The following TNFSF8 variants were observed in gnomAD, a reference collection of about 807,000 sequenced individuals.
The protein encoded by TNFSF8 is TNF superfamily member 8.
A neutral mutation model predicts 22.0 loss-of-function variants in TNFSF8; 4 were observed. That is an observed-to-expected ratio of 0.18 (90% confidence interval 0.09 to 0.42). The LOEUF (loss-of-function observed/expected upper bound fraction) is 0.42, where lower values mean the gene tolerates loss of function less well. Among genes scored for constraint, TNFSF8 ranks in the 10% least tolerant of loss-of-function variants. TNFSF8 has a pLI of 1.00. For synonymous variants in TNFSF8, 106 were observed against 112.5 expected (o/e 0.94, Z 0.37); for missense variants, 233 against 281.8 (o/e 0.83, Z 1.24).
At chr9:114,925,537 A>G (rs1828046700) in intron 1 of TNFSF8, among the ~76,000 whole-genome samples, 2 of 152,092 alleles carry the variant, frequency 1.3e-5, no homozygotes, top group African/African-American at 4.8e-5. Flanking sequence ...AGTTATTGCT[A>G]TATCAGGTGT....
downstream of TNFSF8, among the ~76,000 whole-genome samples, chr9:114,900,623 T>G (rs1827705279): frequency 6.6e-6 from 1 of 152,154 alleles, no homozygotes; most frequent in Non-Finnish European, 1.5e-5. Context: ...GATGGTGATT[T>G]GAATGTGAGA....
At chr9:114,913,032 T>A (rs1014136984) in intron 2 of TNFSF8, among the ~76,000 whole-genome samples, 2 of 152,184 alleles carry the variant, frequency 1.3e-5, no homozygotes, top group African/African-American at 2.4e-5. Context: ...ATCTGGCTTG[T>A]TCCCCTCACT....
At chr9:114,917,891 G>C (rs777941559) in intron 2 of TNFSF8, among the ~76,000 whole-genome samples, 6 of 152,182 alleles carry the variant, frequency 3.9e-5, no homozygotes, top group Non-Finnish European at 8.8e-5. Context: ...AGAGCTGGTG[G>C]GAGACTTGTG....
chr9:114,895,710 C>T (rs1181793425), intron 4 of TNFSF8, among the ~76,000 whole-genome samples: 1 of 152,192 alleles, frequency 6.6e-6, no homozygotes, highest in Non-Finnish European at 1.5e-5. Flanking sequence ...TTTACAAAGT[C>T]CATGTGACTT....
In TNFSF8 at chr9:114,902,704, G is replaced by C; in HGVS notation, c.*1227C>G. ...GGGTAGGGGGGCCTTATTTTGGTTG[G>C]AGAGCTTCCAAAATTGTGTCTGGAA... On this transcript the variant is annotated 3_prime_UTR_variant, in exon 4 of 4. Transcript: ENST00000223795. 5.2e-5 allele frequency: 51 copies of C among 985,390 alleles called. No homozygotes were observed. Among genetic ancestry groups the C allele is most frequent in the Non-Finnish European group, 6.1e-5 (51 of 829,926 alleles). The allele number at this position is 985,390 out of a possible 1,614,324, so 61.0% of individuals were successfully genotyped here.
intron 1 of TNFSF8, among the ~76,000 whole-genome samples, chr9:114,929,727 A>C (rs565486931): frequency 6.6e-6 from 1 of 151,932 alleles, no homozygotes; most frequent in African/African-American, 2.4e-5. Context: ...TTAAGATTTA[A>C]ATCTTAACTT....
At chr9:114,898,964 C>T (rs1374877209), downstream of TNFSF8, among the ~76,000 whole-genome samples, 1 of 152,082 alleles carries the variant, frequency 6.6e-6, no homozygotes, top group Non-Finnish European at 1.5e-5. Flanking sequence ...ATCAGGAAGC[C>T]GCTACTGCTG....
Position 114,902,124 on chromosome 9 carries a change from A to C in TNFSF8, c.*1807T>G. The C allele has an allele frequency of 1.0e-6, 1 of 985,314 alleles. No individual in the cohort carries two copies. The highest frequency in any genetic ancestry group is 4.7e-5 in the South Asian group (1 of 21,276). The allele number at this position is 985,314 out of a possible 1,614,324, so 61.0% of individuals were successfully genotyped here. The stretch of plus-strand genomic sequence containing the variant: ...ACGGCTTGTCAAGGTCCTTCCACAA[A>C]TAAGATGTTCCTCCAAAGATGATGT... On this transcript the variant is annotated 3_prime_UTR_variant, in exon 4 of 4. Coordinates refer to ENST00000223795, the MANE Select transcript of TNFSF8 (RefSeq NM_001244.4).
At chr9:114,922,508 G>T (rs1587939516) in intron 1 of TNFSF8, among the ~76,000 whole-genome samples, 1 of 152,174 alleles carries the variant, frequency 6.6e-6, no homozygotes, top group East Asian at 1.9e-4. Flanking sequence ...GATTCATCAA[G>T]ACTTAGAGAA....
intron 1 of TNFSF8, among the ~76,000 whole-genome samples, chr9:114,923,314 G>A (rs1475891241): frequency 6.6e-6 from 1 of 152,094 alleles, no homozygotes; most frequent in East Asian, 1.9e-4. Context: ...AAGAATGACA[G>A]CTAATAAATT....
intron 1 of TNFSF8, among the ~76,000 whole-genome samples, chr9:114,929,253 C>G (rs1400369184): frequency 1.3e-5 from 2 of 152,144 alleles, no homozygotes; most frequent in African/African-American, 4.8e-5. Context: ...CGAAGACAGT[C>G]TGACCCTGTA....
At chr9:114,908,544 A>G (rs1827812665) in intron 2 of TNFSF8, among the ~76,000 whole-genome samples, 1 of 152,136 alleles carries the variant, frequency 6.6e-6, no homozygotes, top group African/African-American at 2.4e-5. Context: ...AGGTGGCTGG[A>G]GAAGTGCAAG....
intron 1 of TNFSF8, among the ~76,000 whole-genome samples, chr9:114,922,915 A>G (rs756990010): frequency 5.9e-5 from 9 of 152,072 alleles, no homozygotes; most frequent in Non-Finnish European, 1.3e-4. Flanking sequence ...GGTGATGCCA[A>G]TGTTGCCAGG....
intron 1 of TNFSF8, among the ~76,000 whole-genome samples, chr9:114,925,104 G>A (rs961269968): frequency 6.6e-6 from 1 of 152,154 alleles, no homozygotes; most frequent in African/African-American, 2.4e-5. Context: ...AACAAGATGT[G>A]GGGTTTTATT....
chr9:114,907,509 C>A (rs149330638), intron 2 of TNFSF8, among the ~76,000 whole-genome samples: 1 of 152,284 alleles, frequency 6.6e-6, no homozygotes, highest in East Asian at 1.9e-4. Context: ...GGGAGACAGA[C>A]CTGGCTGTCT....
chr9:114,927,370 G>A (rs944680058), intron 1 of TNFSF8, among the ~76,000 whole-genome samples: 4 of 151,642 alleles, frequency 2.6e-5, no homozygotes, highest in Non-Finnish European at 5.9e-5. Context: ...GTTTAAGCTT[G>A]GAGTTATCTG....
At chr9:114,907,595 C>T (rs953011821) in intron 2 of TNFSF8, among the ~76,000 whole-genome samples, 5 of 152,116 alleles carry the variant, frequency 3.3e-5, no homozygotes, top group Non-Finnish European at 4.4e-5. Context: ...CTTTCATGGT[C>T]CCCATTGTTC....
chr9:114,899,342 A>ATTTTTTTTTTT (rs137946179), downstream of TNFSF8, among the ~76,000 whole-genome samples: 59 of 142,648 alleles, frequency 4.1e-4, 2 homozygotes, highest in African/African-American at 1.4e-3. Context: ...ACAGTAAGTT[A>ATTTTTTTTTTT]TTATTTTTTT....
At chr9:114,923,274 A>G (rs1564372220) in intron 1 of TNFSF8, among the ~76,000 whole-genome samples, 3 of 151,994 alleles carry the variant, frequency 2.0e-5, no homozygotes, top group South Asian at 2.1e-4. Flanking sequence ...TCCTGCCACC[A>G]TCTTTCCAAT....
Sources: gnomAD v4.1 joint callset for allele counts (sites outside exome capture counted in the v4.1 genomes callset) on GRCh38, gnomAD v4.1.1 for gene constraint, MANE v1.5 for transcripts, NCBI Gene and HGNC (gene_info 2026-07-23, HGNC 2026-07-21) for gene names.